Variants in SNX29 observed in about 807,000 individuals in gnomAD.
The protein encoded by SNX29 is sorting nexin-29.
SNX29 carries 78 observed loss-of-function variants against 102.1 expected under a neutral mutation model. The observed-to-expected ratio is 0.76, with a 90% confidence interval of 0.64 to 0.92. SNX29 has a LOEUF of 0.92. Among genes scored for constraint, SNX29 ranks in the 40% least tolerant of loss-of-function variants. SNX29 has a pLI of 0.00. For missense variants in SNX29, 1,280 were observed against 1,061.7 expected (o/e 1.21, Z -2.86); for synonymous variants, 580 against 414.5 (o/e 1.40, Z -4.85).
chr16:12,380,370 A>T (rs1379596352), intron 16 of SNX29, among the ~76,000 whole-genome samples: 1 of 16,240 alleles, frequency 6.2e-5, no homozygotes, highest in Non-Finnish European at 1.4e-4. Flanking sequence ...TCATCCCTCC[A>T]CTTATCCACC....
At position 12,569,565 on chromosome 16, in the gene SNX29, C is replaced by G. The variant is rs922883553; in HGVS notation, c.*936C>G. On this transcript the variant is annotated 3_prime_UTR_variant, in exon 21 of 21. Transcript: ENST00000566228. ...TGGACACTTAACAGATCATGTGTCTCTCCACTAAAAACATTTTCCATCCCG... is the reference window on the plus strand; with the variant it reads ...TGGACACTTAACAGATCATGTGTCTGTCCACTAAAAACATTTTCCATCCCG... 1.3e-5 allele frequency: 3 copies of G among 230,948 alleles called. No individual in the cohort carries two copies. Among genetic ancestry groups the G allele is most frequent in the African/African-American group, 6.6e-5 (3 of 45,196 alleles). The allele number at this position is 230,948 out of a possible 1,614,324, so 14.3% of individuals were successfully genotyped here. A position where few individuals can be genotyped will look rare whatever the true frequency, so the allele number is the denominator to read the frequency against.
chr16:12,219,923 C>T (rs1481908872), intron 14 of SNX29, among the ~76,000 whole-genome samples: 1 of 152,218 alleles, frequency 6.6e-6, no homozygotes. Context: ...CCCCAGCGCA[C>T]ACACGTGTAC....
rs147719553 is a variant in SNX29 at position 12,544,228 on chromosome 16, A to C, written c.2318+19387A>C. Among the ~76,000 whole-genome samples, 110 of 152,292 alleles carry C rather than the reference A, an allele frequency of 7.2e-4. 1 individual carries two copies. The highest frequency in any genetic ancestry group is 2.6e-3 in the African/African-American group (106 of 41,556). On this transcript the variant is annotated intron_variant, in intron 20 of 20. Transcript: ENST00000566228. ...GAACCGTGACAGCCGGTTCCTCACC[A>C]CACCAAGATTGAAACTAACTTACCC...
chr16:12,408,283 T>C (rs1282995128), intron 18 of SNX29, among the ~76,000 whole-genome samples: 1 of 152,138 alleles, frequency 6.6e-6, no homozygotes, highest in Admixed American at 6.5e-5. Flanking sequence ...ACCCCTGAGA[T>C]GGTAGGCTAA....
At chr16:12,388,865 A>C (rs751404620) in intron 16 of SNX29, among the ~76,000 whole-genome samples, 1 of 152,214 alleles carries the variant, frequency 6.6e-6, no homozygotes, top group African/African-American at 2.4e-5. Flanking sequence ...TTCTATTTGC[A>C]AGAGGACATT....
At chr16:12,396,839 T>C (rs1238690501) in intron 16 of SNX29, among the ~76,000 whole-genome samples, 1 of 152,232 alleles carries the variant, frequency 6.6e-6, no homozygotes, top group Non-Finnish European at 1.5e-5. Context: ...TGCTTATGGT[T>C]ATGCAGTTAA....
chr16:12,479,569 C>G (rs747683701), intron 19 of SNX29, among the ~76,000 whole-genome samples: 2 of 152,124 alleles, frequency 1.3e-5, no homozygotes, highest in African/African-American at 2.4e-5. Flanking sequence ...AACCACTACA[C>G]GTGGCAGACA....
chr16:12,530,170 T>A lies in SNX29; in HGVS notation c.2318+5329T>A, dbSNP rs570359038. ...GAGTTTGAGACCCCTGGTAGCCACA[T>A]AGAAAGTGCGGTGTTGATTTTGGAG... On this transcript the variant is annotated intron_variant, in intron 20 of 20. Transcript: ENST00000566228. 6.6e-5 allele frequency among the ~76,000 whole-genome samples: 10 copies of A among 152,314 alleles called. No homozygotes were observed. The East Asian group carries it at 1.9e-3, about 29-fold the overall frequency.
At chr16:12,309,059 G>A (rs2080444662) in intron 15 of SNX29, among the ~76,000 whole-genome samples, 1 of 152,200 alleles carries the variant, frequency 6.6e-6, no homozygotes, top group Admixed American at 6.5e-5. Context: ...TGGGCCATTA[G>A]CATTGACAGA....
At chr16:12,002,500 A>C (rs2151023598) in intron 2 of SNX29, among the ~76,000 whole-genome samples, 1 of 151,864 alleles carries the variant, frequency 6.6e-6, no homozygotes, top group East Asian at 1.9e-4. Context: ...CCCTCAGTAA[A>C]TTGTCATTCC....
chr16:12,072,221 A>G (rs1484627971), intron 10 of SNX29, among the ~76,000 whole-genome samples: 1 of 152,222 alleles, frequency 6.6e-6, no homozygotes, highest in African/African-American at 2.4e-5. Context: ...AGGAGTTGTG[A>G]GAGAAGGCAT....
At chr16:12,115,467 G>C (rs1454572594) in intron 11 of SNX29, among the ~76,000 whole-genome samples, 2 of 147,978 alleles carry the variant, frequency 1.4e-5, no homozygotes, top group African/African-American at 5.1e-5. Flanking sequence ...CCTTGCCCCT[G>C]GGTTGCTCCA....
At chr16:12,541,587 C>G (rs1022148189) in intron 20 of SNX29, among the ~76,000 whole-genome samples, 3 of 152,196 alleles carry the variant, frequency 2.0e-5, no homozygotes, top group African/African-American at 4.8e-5. Flanking sequence ...TGCCAGACCT[C>G]AACCCTGAGG....
intron 15 of SNX29, among the ~76,000 whole-genome samples, chr16:12,321,020 G>T (rs1203135249): frequency 2.0e-5 from 3 of 152,176 alleles, no homozygotes; most frequent in Non-Finnish European, 4.4e-5. Context: ...AGCACAACCT[G>T]TTGAAGAAAA....
intron 18 of SNX29, among the ~76,000 whole-genome samples, chr16:12,431,200 G>T (rs552488288): frequency 6.6e-6 from 1 of 152,242 alleles, no homozygotes; most frequent in Admixed American, 6.5e-5. Context: ...TGGGGGCCCT[G>T]TGAGCTCTCC....
chr16:12,444,729 C>G (rs1277755000), intron 18 of SNX29, among the ~76,000 whole-genome samples: 1 of 152,154 alleles, frequency 6.6e-6, no homozygotes, highest in East Asian at 1.9e-4. Context: ...CTTGTAGGCC[C>G]CACCCCATTT....
chr16:12,530,376 G>C (rs541436924), intron 20 of SNX29, among the ~76,000 whole-genome samples: 3 of 152,256 alleles, frequency 2.0e-5, no homozygotes, highest in African/African-American at 7.2e-5. Context: ...AAGTTCTAGT[G>C]TGGAAAAACC....
intron 1 of SNX29, among the ~76,000 whole-genome samples, chr16:11,994,894 C>T (rs2055999257): frequency 6.6e-6 from 1 of 152,090 alleles, no homozygotes; most frequent in African/African-American, 2.4e-5. Flanking sequence ...CATGCAGAAA[C>T]CAGTGGCCAG....
At chr16:12,386,685 G>A (rs146401435) in intron 16 of SNX29, among the ~76,000 whole-genome samples, 4 of 152,308 alleles carry the variant, frequency 2.6e-5, no homozygotes, top group Admixed American at 2.0e-4. Flanking sequence ...ACACATGGAT[G>A]CATTTTTTTA....
Sources: gnomAD v4.1 joint callset for allele counts (sites outside exome capture counted in the v4.1 genomes callset) on GRCh38, gnomAD v4.1.1 for gene constraint, MANE v1.5 for transcripts, NCBI Gene and HGNC (gene_info 2026-07-23, HGNC 2026-07-21) for gene names.